Variants in CPNE8 observed in about 807,000 individuals in gnomAD.
CPNE8 encodes the protein copine-8.
CPNE8 carries 45 observed loss-of-function variants against 81.5 expected under a neutral mutation model. The ratio of observed to expected loss-of-function variants is 0.55; its 90% CI spans 0.44 to 0.71. The LOEUF (loss-of-function observed/expected upper bound fraction) is 0.71, where lower values mean the gene tolerates loss of function less well. Ranked by LOEUF, CPNE8 falls within the 30% of genes least tolerant of loss-of-function variation. The probability of loss-of-function intolerance (pLI) is 0.00; values close to 1 mark genes in which losing one functional copy is unlikely to be tolerated. For missense variants in CPNE8, 594 were observed against 672.1 expected, an observed-to-expected ratio of 0.88 and a Z score of 1.28; for synonymous variants, 252 against 226.3, an observed-to-expected ratio of 1.11 and a Z score of -1.02.
chr12:38,903,690 T>C (rs1173197339), intron 1 of CPNE8, among the ~76,000 whole-genome samples: 1 of 152,232 alleles, frequency 6.6e-6, no homozygotes, highest in African/African-American at 2.4e-5. Flanking sequence ...GTAATGCTGT[T>C]ATTGTAGGAC....
At chr12:38,786,595 AAT>A (rs534529211) in intron 6 of CPNE8, among the ~76,000 whole-genome samples, 2 of 151,850 alleles carry the variant, frequency 1.3e-5, no homozygotes, top group African/African-American at 2.4e-5. Context: ...GTGAGTTATT[AAT>A]ATATATATAT....
chr12:38,891,395 C>G (rs929966974), intron 1 of CPNE8, among the ~76,000 whole-genome samples: 3 of 151,764 alleles, frequency 2.0e-5, no homozygotes, highest in African/African-American at 7.3e-5. Flanking sequence ...TATATCTTTA[C>G]TGAATAGCAA....
At chr12:38,811,553 T>C (rs1942936034) in intron 6 of CPNE8, among the ~76,000 whole-genome samples, 1 of 152,182 alleles carries the variant, frequency 6.6e-6, no homozygotes, top group Non-Finnish European at 1.5e-5. Context: ...CATAATATAA[T>C]TGTTTAAAAG....
chr12:38,834,081 G>A (rs1943343173), intron 5 of CPNE8, among the ~76,000 whole-genome samples: 1 of 152,164 alleles, frequency 6.6e-6, no homozygotes. Flanking sequence ...TCTATCCCAA[G>A]TGTGGATGAA....
chr12:38,674,045 A>AT (rs1939236032), intron 18 of CPNE8, among the ~76,000 whole-genome samples: 1 of 152,034 alleles, frequency 6.6e-6, no homozygotes, highest in Non-Finnish European at 1.5e-5. Context: ...TCTTGCATAT[A>AT]TTTTTTTCCA....
At chr12:38,865,717 T>C (rs1002486252) in intron 3 of CPNE8, among the ~76,000 whole-genome samples, 4 of 152,210 alleles carry the variant, frequency 2.6e-5, no homozygotes, top group African/African-American at 9.6e-5. Context: ...TGCTGTATAA[T>C]TTGTGCCCTT....
At chr12:38,855,970 T>G (rs770116980) in intron 3 of CPNE8, among the ~76,000 whole-genome samples, 39 of 151,784 alleles carry the variant, frequency 2.6e-4, no homozygotes, top group Admixed American at 6.6e-4. Context: ...AAACTAATTT[T>G]AAAAAGAGAG....
chr12:38,767,112 G>A (rs1458376255), intron 8 of CPNE8, among the ~76,000 whole-genome samples: 1 of 151,970 alleles, frequency 6.6e-6, no homozygotes, highest in Non-Finnish European at 1.5e-5. Context: ...TAATAGCAGA[G>A]CCATACATAT....
intron 1 of CPNE8, among the ~76,000 whole-genome samples, chr12:38,902,366 A>AAGAAAGAAAGAAAGAAAAGAAAGAAAG (rs1944491420): frequency 1.2e-5 from 1 of 86,638 alleles, no homozygotes; most frequent in Non-Finnish European, 2.2e-5. Context: ...GAAAGAAAGA[A>AAGAAAGAAAGAAAGAAAAGAAAGAAAG]AGAAAGAAAG....
chr12:38,781,607 C>G (rs1474272277), intron 6 of CPNE8, among the ~76,000 whole-genome samples: 3 of 152,046 alleles, frequency 2.0e-5, no homozygotes, highest in African/African-American at 7.2e-5. Flanking sequence ...ATACTGCATG[C>G]ATCTACTATT....
At chr12:38,816,892 G>A (rs1943033028) in intron 6 of CPNE8, among the ~76,000 whole-genome samples, 1 of 152,166 alleles carries the variant, frequency 6.6e-6, no homozygotes, top group African/African-American at 2.4e-5. Flanking sequence ...ACAGTGAAAT[G>A]TCAAGATTAT....
rs1356581448 is a variant in CPNE8, at chr12:38,695,161, C to G, written c.962-1323G>C. On this transcript the variant is annotated intron_variant, in intron 14 of 19. Transcript: ENST00000331366. ...GACCGCTCTTTTCTTACAGCTCTCACTTTAGAAAACTTGCAATTGTAAATT... is the reference window on the plus strand; with the variant it reads ...GACCGCTCTTTTCTTACAGCTCTCAGTTTAGAAAACTTGCAATTGTAAATT... Among the ~76,000 whole-genome samples the G allele has an allele frequency of 3.9e-5, 6 of 152,186 alleles. No individual in the cohort carries two copies. The East Asian group carries it at 7.7e-4, about 20-fold the overall frequency.
intron 19 of CPNE8, among the ~76,000 whole-genome samples, chr12:38,660,678 G>A (rs552242660): frequency 4.9e-4 from 74 of 152,188 alleles, no homozygotes; most frequent in Middle Eastern, 6.8e-3. Context: ...TGAACAGGCA[G>A]CCTACAGAAT....
intron 6 of CPNE8, among the ~76,000 whole-genome samples, chr12:38,803,737 C>T (rs1157693697): frequency 2.0e-5 from 3 of 147,908 alleles, no homozygotes; most frequent in Admixed American, 6.8e-5. Flanking sequence ...TTGCAGACGA[C>T]ATGATTGTTT....
At chr12:38,690,323 C>T (rs1939645392) in intron 15 of CPNE8, among the ~76,000 whole-genome samples, 1 of 152,124 alleles carries the variant, frequency 6.6e-6, no homozygotes, top group Non-Finnish European at 1.5e-5. Context: ...AATACTTCAG[C>T]AAGAATGAAA....
At chr12:38,687,156 T>C (rs1174630982) in intron 15 of CPNE8, among the ~76,000 whole-genome samples, 2 of 152,132 alleles carry the variant, frequency 1.3e-5, no homozygotes, top group Non-Finnish European at 2.9e-5. Flanking sequence ...CCAAGTTTTA[T>C]ACTAAAATAT....
intron 14 of CPNE8, among the ~76,000 whole-genome samples, chr12:38,697,767 C>T (rs1057161886): frequency 6.6e-6 from 1 of 152,002 alleles, no homozygotes; most frequent in African/African-American, 2.4e-5. Flanking sequence ...TGTTAGTTCA[C>T]GTGAGAGGTG....
At chr12:38,854,529 ATACT>A (rs879543946) in intron 3 of CPNE8, among the ~76,000 whole-genome samples, 46 of 152,068 alleles carry the variant, frequency 3.0e-4, no homozygotes, top group Non-Finnish European at 4.0e-4. Flanking sequence ...CTTGAACAAA[ATACT>A]ATCAGCCTGA....
At chr12:38,704,818 A>C (rs1940049725) in intron 13 of CPNE8, among the ~76,000 whole-genome samples, 1 of 101,428 alleles carries the variant, frequency 9.9e-6, no homozygotes. Flanking sequence ...CTGTGTGTGT[A>C]TGTATGTGTA....
Sources: allele counts gnomAD v4.1 joint callset (sites outside exome capture counted in the v4.1 genomes callset), GRCh38; gene constraint gnomAD v4.1.1; transcripts MANE v1.5; gene names NCBI Gene and HGNC (gene_info 2026-07-23, HGNC 2026-07-21).